UBE2E2: variants seen among roughly 807,000 people sequenced by gnomAD.
UBE2E2 encodes the protein ubiquitin conjugating enzyme E2 E2.
UBE2E2 carries 6 observed loss-of-function variants against 24.7 expected under a neutral mutation model. The observed-to-expected ratio is 0.24, with a 90% CI of 0.13 to 0.48. The LOEUF (loss-of-function observed/expected upper bound fraction) is 0.48, where lower values mean the gene tolerates loss of function less well. Among genes scored for constraint, UBE2E2 ranks in the 20% least tolerant of loss-of-function variants. The pLI is 0.99. For missense variants in UBE2E2, 169 were observed against 245.0 expected, an observed-to-expected ratio of 0.69 and a Z score of 2.07; for synonymous variants, 104 against 83.6, an observed-to-expected ratio of 1.24 and a Z score of -1.33.
At chr3:23,484,318 A>G (rs1016394074) in intron 3 of UBE2E2, among the ~76,000 whole-genome samples, 3 of 152,144 alleles carry the variant, frequency 2.0e-5, no homozygotes, top group Admixed American at 2.0e-4. Context: ...CTCCTGTGGG[A>G]CTTGTTCAAA....
chr3:23,532,777 A>G (rs1341254710), intron 5 of UBE2E2, 76 bp downstream of exon 5: 3 of 1,302,544 alleles, frequency 2.3e-6, no homozygotes, highest in Non-Finnish European at 2.1e-6. Context: ...CTTGTTTACT[A>G]CTGCTACTAC....
intron 3 of UBE2E2, among the ~76,000 whole-genome samples, chr3:23,402,990 C>T (rs1258314493): frequency 6.6e-6 from 1 of 152,140 alleles, no homozygotes; most frequent in Non-Finnish European, 1.5e-5. Context: ...GAGGGGAGTA[C>T]ATGGCAGCCT....
At chr3:23,470,736 T>G (rs1699017386) in intron 3 of UBE2E2, among the ~76,000 whole-genome samples, 1 of 152,156 alleles carries the variant, frequency 6.6e-6, no homozygotes, top group South Asian at 2.1e-4. Flanking sequence ...CGGTTCTTAA[T>G]AGAAATGTAA....
At chr3:23,206,148 A>G (rs1300096806) in intron 1 of UBE2E2, among the ~76,000 whole-genome samples, 1 of 152,222 alleles carries the variant, frequency 6.6e-6, no homozygotes, top group Non-Finnish European at 1.5e-5. Context: ...ACATTTCTTA[A>G]GGTATTGCTG....
chr3:23,259,208 T>A (rs1314214069), intron 3 of UBE2E2, among the ~76,000 whole-genome samples: 1 of 152,158 alleles, frequency 6.6e-6, no homozygotes, highest in Non-Finnish European at 1.5e-5. Flanking sequence ...TAAATCACTG[T>A]CTACTTCCTT....
chr3:23,328,284 T>TA lies in UBE2E2; in HGVS notation c.227+110973dup, dbSNP rs555956033. ...CTGTGTCATCTTTGAATCTATAAAA[T>TA]ACAGTTGGTCCCTGACTTACAATGG... On this transcript the variant is annotated intron_variant, in intron 3 of 5. Coordinates refer to ENST00000396703, the MANE Select transcript of UBE2E2 (RefSeq NM_152653.4). Among the ~76,000 whole-genome samples the TA allele has an allele frequency of 1.8e-3, 267 of 152,350 alleles. 2 individuals are homozygous for TA. The highest frequency in any genetic ancestry group is 2.5e-3 in the Non-Finnish European group (168 of 68,032).
intron 3 of UBE2E2, among the ~76,000 whole-genome samples, chr3:23,350,997 T>C (rs1695731473): frequency 6.6e-6 from 1 of 152,160 alleles, no homozygotes. Flanking sequence ...AAAGGTCGGG[T>C]TACCCACAAA....
chr3:23,250,325 A>G (rs930337486), intron 3 of UBE2E2, among the ~76,000 whole-genome samples: 1 of 152,184 alleles, frequency 6.6e-6, no homozygotes, highest in Admixed American at 6.5e-5. Context: ...TAAAGGTTCA[A>G]ATGCCTACTC....
chr3:23,538,061 A>C (rs796757998), intron 5 of UBE2E2, among the ~76,000 whole-genome samples: 3 of 152,290 alleles, frequency 2.0e-5, no homozygotes, highest in African/African-American at 7.2e-5. Context: ...AAATTCAGGT[A>C]AAATGGTAAG....
chr3:23,553,256 A>C (rs1392397565), intron 5 of UBE2E2, among the ~76,000 whole-genome samples: 3 of 152,192 alleles, frequency 2.0e-5, no homozygotes, highest in Non-Finnish European at 2.9e-5. Flanking sequence ...ACACTTTAAT[A>C]AAACAAAATG....
chr3:23,297,574 C>G (rs996692392), intron 3 of UBE2E2, among the ~76,000 whole-genome samples: 1 of 152,192 alleles, frequency 6.6e-6, no homozygotes, highest in African/African-American at 2.4e-5. Context: ...GGAATCCTTT[C>G]CCCATTGCTT....
intron 3 of UBE2E2, among the ~76,000 whole-genome samples, chr3:23,419,866 C>G (rs1222742142): frequency 6.6e-6 from 1 of 152,084 alleles, no homozygotes; most frequent in African/African-American, 2.4e-5. Flanking sequence ...GGAAGCTCTC[C>G]CTTTCCTCTC....
chr3:23,518,727 T>A (rs1323298816), intron 4 of UBE2E2, among the ~76,000 whole-genome samples: 6 of 152,226 alleles, frequency 3.9e-5, no homozygotes, highest in Non-Finnish European at 5.9e-5. Context: ...CTGCAGTGCC[T>A]TGTCCCTTTT....
chr3:23,216,673 C>A (rs1258259208), intron 2 of UBE2E2, among the ~76,000 whole-genome samples: 1 of 151,846 alleles, frequency 6.6e-6, no homozygotes, highest in Admixed American at 6.6e-5. Context: ...ATAGAGCAGG[C>A]TTAAATTTTT....
At chr3:23,538,193 T>A (rs1435288766) in intron 5 of UBE2E2, among the ~76,000 whole-genome samples, 7 of 152,176 alleles carry the variant, frequency 4.6e-5, no homozygotes, top group Non-Finnish European at 8.8e-5. Flanking sequence ...ATGGCTTTTT[T>A]AAAGTGAAAA....
chr3:23,298,700 T>C (rs553386276), intron 3 of UBE2E2, among the ~76,000 whole-genome samples: 1 of 152,002 alleles, frequency 6.6e-6, no homozygotes, highest in Admixed American at 6.6e-5. Flanking sequence ...CAGTATTTTA[T>C]TGAGGATTTT....
chr3:23,479,485 AG>A (rs1374092324), intron 3 of UBE2E2, among the ~76,000 whole-genome samples: 1 of 152,166 alleles, frequency 6.6e-6, no homozygotes, highest in Non-Finnish European at 1.5e-5. Flanking sequence ...TGGGCTCCCC[AG>A]AGGGCCGTAG....
chr3:23,513,049 A>T (rs1054424984), intron 4 of UBE2E2, among the ~76,000 whole-genome samples: 1 of 152,206 alleles, frequency 6.6e-6, no homozygotes, highest in Admixed American at 6.5e-5. Context: ...TTTAAACTCT[A>T]TCTCTGTGGA....
At chr3:23,384,577 C>G (rs1696757985) in intron 3 of UBE2E2, among the ~76,000 whole-genome samples, 1 of 152,160 alleles carries the variant, frequency 6.6e-6, no homozygotes, top group African/African-American at 2.4e-5. Context: ...GACTCTCACT[C>G]TGTCACCCAG....
Sources: allele counts gnomAD v4.1 joint callset (sites outside exome capture counted in the v4.1 genomes callset), GRCh38; gene constraint gnomAD v4.1.1; transcripts MANE v1.5; gene names NCBI Gene and HGNC (gene_info 2026-07-23, HGNC 2026-07-21).